Variants in KIAA1549L observed in about 807,000 individuals in gnomAD.
KIAA1549L encodes KIAA1549 like, also known as UPF0606 protein KIAA1549L.
KIAA1549L carries 88 observed loss-of-function variants against 160.7 expected under a neutral mutation model. The ratio of observed to expected loss-of-function variants is 0.55; its 90% CI spans 0.46 to 0.65. The LOEUF is 0.65. KIAA1549L is among the 30% of genes least tolerant of loss of function. The probability of loss-of-function intolerance (pLI) is 0.00; values close to 1 mark genes in which losing one functional copy is unlikely to be tolerated. For missense variants in KIAA1549L, 2,258 were observed against 2,437.5 expected, an observed-to-expected ratio of 0.93 and a Z score of 1.55; for synonymous variants, 950 against 976.7, an observed-to-expected ratio of 0.97 and a Z score of 0.51.
intron 1 of KIAA1549L, among the ~76,000 whole-genome samples, chr11:33,490,687 C>T (rs965165515): frequency 6.6e-6 from 1 of 152,218 alleles, no homozygotes; most frequent in African/African-American, 2.4e-5. Context: ...CTTCCCCACA[C>T]CCATTACTTT....
At chr11:33,623,255 T>C (rs771125950) in intron 16 of KIAA1549L, among the ~76,000 whole-genome samples, 2 of 152,298 alleles carry the variant, frequency 1.3e-5, no homozygotes. Context: ...TGTTGCTCCA[T>C]TGGGAAGCAA....
intron 1 of KIAA1549L, among the ~76,000 whole-genome samples, chr11:33,423,856 T>C (rs894151035): frequency 1.3e-5 from 2 of 152,120 alleles, no homozygotes; most frequent in African/African-American, 2.4e-5. Flanking sequence ...AGCGAGATGC[T>C]GTCTCTACAA....
At chr11:33,655,113 G>A (rs1023318279) in intron 17 of KIAA1549L, among the ~76,000 whole-genome samples, 2 of 152,206 alleles carry the variant, frequency 1.3e-5, no homozygotes, top group African/African-American at 4.8e-5. Flanking sequence ...TGCTAAAGGA[G>A]GTTGTGGCCT....
chr11:33,609,963 A>C lies in KIAA1549L; in HGVS notation c.5276A>C (p.Asn1759Thr). The stretch of plus-strand genomic sequence containing the variant: ...TGTGCTCCATTCACCGAGTCTAAAA[A>C]CAGGTGCAGTCTCTAAGGGATTCTG... ...ELCAPFTESKNRQQMKNSVYR... is the reference protein window; with the variant it reads ...ELCAPFTESKTRQQMKNSVYR... The change falls in exon 15 of 21, where the codon AAC becomes ACC. Residue 1759 changes from asparagine to threonine, a missense_variant. Physicochemically the swap from Asn to Thr is moderately conservative, Grantham distance 65. Transcript: ENST00000658780. 6.2e-7 allele frequency: 1 copy of C among 1,612,552 alleles called. No homozygotes were observed. Among genetic ancestry groups the C allele is most frequent in the Non-Finnish European group, 8.5e-7 (1 of 1,178,768 alleles).
In KIAA1549L at chr11:33,650,138, A is replaced by G. The variant is rs115008470; in HGVS notation, c.5760+4102A>G. Among the ~76,000 whole-genome samples the G allele has an allele frequency of 1.5e-3, 221 of 152,274 alleles. 1 individual carries two copies. The highest frequency in any genetic ancestry group is 5.1e-3 in the African/African-American group (210 of 41,568). On this transcript the variant is annotated intron_variant, in intron 17 of 20. Coordinates refer to ENST00000658780, the MANE Select transcript of KIAA1549L (RefSeq NM_012194.3). ...GGAGTCCTTGAAGGCAGGCCATTCT[A>G]TCATAGCTGGACCAGATATGATTCT...
chr11:33,547,696 G>A, intron 3 of KIAA1549L, 68 bp from the exon 4 acceptor site: 7 of 970,846 alleles, frequency 7.2e-6, no homozygotes, highest in Non-Finnish European at 1.1e-5. Context: ...GTTGGGAGGA[G>A]CAGAGGGCAA....
chr11:33,646,797 T>G (rs1196041221), intron 17 of KIAA1549L, among the ~76,000 whole-genome samples: 1 of 152,136 alleles, frequency 6.6e-6, no homozygotes, highest in African/African-American at 2.4e-5. Context: ...ATCCTCCCTC[T>G]TTTTCCTTTA....
intron 6 of KIAA1549L, among the ~76,000 whole-genome samples, chr11:33,557,904 G>C (rs1030957987): frequency 6.6e-6 from 1 of 151,892 alleles, no homozygotes; most frequent in Non-Finnish European, 1.5e-5. Context: ...GAAGGGGCGG[G>C]GTAGAGAAAA....
intron 1 of KIAA1549L, among the ~76,000 whole-genome samples, chr11:33,437,323 G>C (rs917010630): frequency 1.3e-5 from 2 of 152,088 alleles, no homozygotes; most frequent in Non-Finnish European, 2.9e-5. Flanking sequence ...TCTGAGCCAG[G>C]ATTAAAAAAG....
chr11:33,542,780 T>G lies in KIAA1549L; in HGVS notation c.1217T>G (p.Phe406Cys), dbSNP rs761966574. 1.2e-6 allele frequency: 2 copies of G among 1,613,854 alleles called. No individual in the cohort carries two copies. Among genetic ancestry groups the G allele is most frequent in the Non-Finnish European group, 1.7e-6 (2 of 1,179,848 alleles). ...CACAATGGGGTGTCTTTGCCAACTTTTAAGAATACAGAAACAGCGACCCAT... is the reference window on the plus strand; with the variant it reads ...CACAATGGGGTGTCTTTGCCAACTTGTAAGAATACAGAAACAGCGACCCAT... Reference protein sequence around the residue: ...RVHNGVSLPTFKNTETATHEA... With the variant: ...RVHNGVSLPTCKNTETATHEA... The change falls in exon 2 of 21, where the codon TTT (phenylalanine) becomes TGT (cysteine). Residue 406 changes from phenylalanine (F) to cysteine (C), a missense_variant. Transcript: ENST00000658780.
intron 13 of KIAA1549L, among the ~76,000 whole-genome samples, chr11:33,599,880 C>G (rs1850308592): frequency 6.6e-6 from 1 of 152,198 alleles, no homozygotes; most frequent in South Asian, 2.1e-4. Context: ...AGGTGAAAAG[C>G]TAAACCCTCT....
rs1429110038 is a variant in KIAA1549L at position 33,667,964 on chromosome 11, C to G, written c.6251C>G (p.Ala2084Gly). 3 of 1,613,832 alleles carry G rather than the reference C, an allele frequency of 1.9e-6. No individual in the cohort carries two copies. Among genetic ancestry groups the G allele is most frequent in the Non-Finnish European group, 2.5e-6 (3 of 1,179,918 alleles). ...SRLPRQYSQP[A>G]NLHPSLEQAP... ...CTTCCTCGTCAGTACAGCCAGCCAG[C>G]CAACCTGCACCCCAGCCTGGAGCAG... is the stretch of plus-strand genomic sequence containing the variant. Residue 2084 changes from alanine to glycine, a missense_variant, in exon 21 of 21, where the codon GCC (alanine) becomes GGC (glycine). This residue lies in a region of KIAA1549L where 1,359 missense variants were observed against 1,546.6 expected (regional missense o/e 0.88). Coordinates refer to ENST00000658780, the MANE Select transcript of KIAA1549L (RefSeq NM_012194.3).
At chr11:33,648,158 C>G (rs1564940333) in intron 17 of KIAA1549L, among the ~76,000 whole-genome samples, 1 of 150,666 alleles carries the variant, frequency 6.6e-6, no homozygotes, top group Non-Finnish European at 1.5e-5. Flanking sequence ...CCACACCCAG[C>G]TTTTTTTTTG....
chr11:33,384,336 A>G (rs949138781), intron 1 of KIAA1549L, among the ~76,000 whole-genome samples: 2 of 152,372 alleles, frequency 1.3e-5, no homozygotes, highest in East Asian at 3.9e-4. Context: ...GCAGAATAGT[A>G]TTCCATTGCA....
At chr11:33,392,680 T>C (rs1277549054) in intron 1 of KIAA1549L, among the ~76,000 whole-genome samples, 1 of 152,190 alleles carries the variant, frequency 6.6e-6, no homozygotes, top group Non-Finnish European at 1.5e-5. Flanking sequence ...ATTTTGTTTT[T>C]CACCATAGTT....
chr11:33,504,163 A>T (rs1425508628), intron 1 of KIAA1549L, among the ~76,000 whole-genome samples: 1 of 152,082 alleles, frequency 6.6e-6, no homozygotes, highest in Non-Finnish European at 1.5e-5. Flanking sequence ...CGGGAGGCTG[A>T]GGCAGGAGAA....
At chr11:33,646,402 GGGGTTGT>G (rs1212749724) in intron 17 of KIAA1549L, among the ~76,000 whole-genome samples, 2 of 152,220 alleles carry the variant, frequency 1.3e-5, no homozygotes, top group Admixed American at 1.3e-4. Flanking sequence ...CACATGCTAA[GGGGTTGT>G]GTGGCCTGGT....
intron 10 of KIAA1549L, among the ~76,000 whole-genome samples, chr11:33,575,549 A>G (rs1023282985): frequency 2.0e-5 from 3 of 152,234 alleles, no homozygotes; most frequent in East Asian, 3.8e-4. Context: ...CAGGAAAGGA[A>G]ACTGAGGCTC....
intron 1 of KIAA1549L, among the ~76,000 whole-genome samples, chr11:33,428,673 G>A (rs1851169588): frequency 6.6e-6 from 1 of 152,140 alleles, no homozygotes; most frequent in South Asian, 2.1e-4. Context: ...GTGTATATGT[G>A]CCACATTTTC....
Sources: allele counts gnomAD v4.1 joint callset (sites outside exome capture counted in the v4.1 genomes callset), GRCh38; gene constraint gnomAD v4.1.1; regional missense constraint gnomAD v4.1.1; transcripts MANE v1.5; gene names NCBI Gene and HGNC (gene_info 2026-07-23, HGNC 2026-07-21).